The following RFX7 variants were observed in gnomAD, a reference collection of about 807,000 sequenced individuals.
The protein encoded by RFX7 is DNA-binding protein RFX7.
A neutral mutation model predicts 111.8 loss-of-function variants in RFX7; 26 were observed. The ratio of observed to expected loss-of-function variants is 0.23; its 90% CI spans 0.17 to 0.32. The LOEUF is 0.32. Ranked by LOEUF, RFX7 falls within the 10% of genes least tolerant of loss-of-function variation. The pLI is 1.00. For missense variants in RFX7, 1,573 were observed against 1,772.9 expected (o/e 0.89, Z 2.02); for synonymous variants, 624 against 624.4 (o/e 1.00, Z 0.01).
chr15:56,094,184 G>C lies in RFX7; in HGVS notation c.3544C>G (p.Leu1182Val). 5 of 1,613,980 alleles carry C rather than the reference G, an allele frequency of 3.1e-6. No individual in the cohort carries two copies. The highest frequency in any genetic ancestry group is 4.2e-6 in the Non-Finnish European group (5 of 1,179,880). The change falls in exon 10 of 10, where the codon CTC becomes GTC. Residue 1182 changes from leucine (L) to valine (V), a missense_variant. Leu to Val is a conservative substitution (Grantham distance 32). This residue lies in a region of RFX7 where 411 missense variants were observed against 478.1 expected (regional missense o/e 0.86). Transcript: ENST00000559447. The stretch of plus-strand genomic sequence containing the variant: ...CGTGGGATATTAGATACTGGATAGA[G>C]GGTGCTTCCACTAAGATTACGTTGG... ...HRQRNLSGST[L>V]YPVSNIPRSN... is the part of the protein sequence containing the mutation.
chr15:56,179,651 C>T lies in RFX7; in HGVS notation c.162-348G>A, dbSNP rs1285068403. Among the ~76,000 whole-genome samples, 7 of 151,964 alleles carry T rather than the reference C, an allele frequency of 4.6e-5. No homozygotes were observed. The East Asian group carries it at 1.3e-3, about 29-fold the overall frequency. On this transcript the variant is annotated intron_variant, in intron 2 of 9. Coordinates refer to ENST00000559447, the MANE Select transcript of RFX7 (RefSeq NM_022841.7). ...ATTATGATTTTTACTGTCTGCCTGC[C>T]ACTCTGGACAATAATTTGCTTAGCA...
chr15:56,197,465 C>T (rs1452570323), intron 2 of RFX7, among the ~76,000 whole-genome samples: 2 of 152,022 alleles, frequency 1.3e-5, no homozygotes, highest in African/African-American at 4.8e-5. Context: ...TAAACTTTTG[C>T]TTTTCACATT....
chr15:56,142,938 C>T, intron 4 of RFX7, 38 bp from the exon 5 acceptor site: 1 of 1,607,846 alleles, frequency 6.2e-7, no homozygotes, highest in East Asian at 2.2e-5. Flanking sequence ...GACCAGACAG[C>T]AATTCATTAA....
At chr15:56,210,651 G>A (rs1272092490) in intron 2 of RFX7, among the ~76,000 whole-genome samples, 2 of 152,012 alleles carry the variant, frequency 1.3e-5, no homozygotes, top group African/African-American at 4.8e-5. Flanking sequence ...AACAAAGATT[G>A]CTGAAAAATT....
chr15:56,101,610 GA>G, intron 7 of RFX7, 44 bp from the exon 8 acceptor site: 1 of 1,494,584 alleles, frequency 6.7e-7, no homozygotes, highest in Non-Finnish European at 9.3e-7. Flanking sequence ...AAAGACCAGA[GA>G]AATTAAATTG....
chr15:56,150,650 G>A (rs963817498), intron 3 of RFX7, among the ~76,000 whole-genome samples: 2 of 152,180 alleles, frequency 1.3e-5, no homozygotes, highest in Admixed American at 6.5e-5. Context: ...AAACCAGAAC[G>A]CCTTTCCTCC....
rs775170403 is a variant in RFX7, at chr15:56,087,435, T to C, written c.*5910A>G. The C allele has an allele frequency of 2.2e-6, 1 of 456,722 alleles. No individual in the cohort carries two copies. 28.3% of individuals were successfully genotyped at this position (456,722 alleles called of 1,614,324 possible). On this transcript the variant is annotated 3_prime_UTR_variant, in exon 10 of 10. Transcript: ENST00000559447. The stretch of plus-strand genomic sequence containing the variant: ...TCATCCTCAGCATGTGTCTTTAACA[T>C]GAAGTCCAGGAGGGCTGCTTGAGTT...
intron 2 of RFX7, among the ~76,000 whole-genome samples, chr15:56,229,067 G>A (rs2141227304): frequency 6.6e-6 from 1 of 152,230 alleles, no homozygotes; most frequent in East Asian, 1.9e-4. Context: ...GAGCAGGATG[G>A]CACAAGATTT....
At chr15:56,125,064 C>T (rs1595944715) in intron 5 of RFX7, among the ~76,000 whole-genome samples, 1 of 152,170 alleles carries the variant, frequency 6.6e-6, no homozygotes, top group Non-Finnish European at 1.5e-5. Flanking sequence ...TTTTATTCTT[C>T]TGCATATGTA....
rs568533021 is a variant in RFX7 at position 56,087,537 on chromosome 15, TG to T, written c.*5807del. 3.3e-4 allele frequency: 150 copies of T among 456,714 alleles called. No individual in the cohort carries two copies. The highest frequency in any genetic ancestry group is 2.6e-3 in the African/African-American group (129 of 50,218). The allele number at this position is 456,714 out of a possible 1,614,324, so 28.3% of individuals were successfully genotyped here. On this transcript the variant is annotated 3_prime_UTR_variant, in exon 10 of 10. Transcript: ENST00000559447. ...GCAAAGAAGTAGCACCCAAACCTTTTGGTTACATCTCTTTGAGTACTTGGTA... is the reference window on the plus strand; with the variant it reads ...GCAAAGAAGTAGCACCCAAACCTTTTGTTACATCTCTTTGAGTACTTGGTA...
rs1345027577 is a variant in RFX7, at chr15:56,204,363, G to A, written c.162-25060C>T. 2.0e-5 allele frequency among the ~76,000 whole-genome samples: 3 copies of A among 152,006 alleles called. No homozygotes were observed. In the East Asian group the frequency reaches 5.8e-4, roughly 29 times the overall value. On this transcript the variant is annotated intron_variant, in intron 2 of 9. Coordinates refer to ENST00000559447, the MANE Select transcript of RFX7 (RefSeq NM_022841.7). The stretch of plus-strand genomic sequence containing the variant: ...GCTAACATACGTTGTATCTATTTGA[G>A]AGTGGGTTGAAGAGCTATCCCATAC...
intron 2 of RFX7, among the ~76,000 whole-genome samples, chr15:56,231,337 G>C (rs1166618135): frequency 6.6e-6 from 1 of 152,152 alleles, no homozygotes; most frequent in Non-Finnish European, 1.5e-5. Flanking sequence ...AAGAAAAAGA[G>C]GTTTAATGGA....
intron 3 of RFX7, among the ~76,000 whole-genome samples, chr15:56,156,796 G>A (rs1248648109): frequency 6.6e-6 from 1 of 152,162 alleles, no homozygotes; most frequent in Non-Finnish European, 1.5e-5. Context: ...ATACTTCTCT[G>A]ATTGATGATG....
chr15:56,133,931 T>G (rs949282834), intron 5 of RFX7, among the ~76,000 whole-genome samples: 2 of 152,190 alleles, frequency 1.3e-5, no homozygotes, highest in African/African-American at 4.8e-5. Flanking sequence ...GCTGTGTCTC[T>G]TACAATAACC....
In RFX7 at chr15:56,103,630, C is replaced by A; in HGVS notation, c.442G>T (p.Ala148Ser). Residue 148 changes from alanine to serine, a missense_variant, in exon 6 of 10, where the codon GCT becomes TCT. By Grantham distance (99) the Ala-to-Ser change is moderately conservative. Coordinates refer to ENST00000559447, the MANE Select transcript of RFX7 (RefSeq NM_022841.7). Reference protein sequence around the residue: ...DNLGYHPLSAADFGKIMKNVF... With the variant: ...DNLGYHPLSASDFGKIMKNVF... Reference sequence around the variant, plus strand: ...TTTTTCATGATCTTTCCAAAATCAGCAGCACTTAATGGATGGTAACCAAGA... The same window carrying A: ...TTTTTCATGATCTTTCCAAAATCAGAAGCACTTAATGGATGGTAACCAAGA... The A allele has an allele frequency of 1.2e-6, 2 of 1,602,654 alleles. No individual in the cohort carries two copies. Among genetic ancestry groups the A allele is most frequent in the Non-Finnish European group, 8.5e-7 (1 of 1,174,052 alleles).
At chr15:56,191,022 C>T (rs1285370742) in intron 2 of RFX7, among the ~76,000 whole-genome samples, 1 of 152,182 alleles carries the variant, frequency 6.6e-6, no homozygotes, top group African/African-American at 2.4e-5. Flanking sequence ...TTTCTGTTTG[C>T]TCTTTGAAAT....
At chr15:56,140,932 T>C (rs1370955581) in intron 5 of RFX7, among the ~76,000 whole-genome samples, 1 of 151,204 alleles carries the variant, frequency 6.6e-6, no homozygotes, top group Non-Finnish European at 1.5e-5. Flanking sequence ...TGCAGCATGC[T>C]CTCTCTAAGG....
intron 2 of RFX7, among the ~76,000 whole-genome samples, chr15:56,240,908 T>C (rs1040707628): frequency 6.6e-6 from 1 of 152,250 alleles, no homozygotes; most frequent in Middle Eastern, 3.4e-3. Flanking sequence ...AAAGGAGTTT[T>C]CACTTTTGAT....
At position 56,091,467 on chromosome 15, in the gene RFX7, C is replaced by CA. The variant is rs1288404889; in HGVS notation, c.*1877dup. 33 of 152,446 alleles carry CA rather than the reference C, an allele frequency of 2.2e-4. No individual in the cohort carries two copies. The highest frequency in any genetic ancestry group is 7.7e-4 in the African/African-American group (32 of 41,518). 9.4% of individuals were successfully genotyped at this position (152,446 alleles called of 1,614,324 possible). A position where few individuals can be genotyped will look rare whatever the true frequency, so the allele number is the denominator to read the frequency against. On this transcript the variant is annotated 3_prime_UTR_variant, in exon 10 of 10. Transcript: ENST00000559447. ...AATCCTCCAGTCTTAATATTTTTAT[C>CA]AAAAAAGATTTCCATTATTTTTATA...
Sources: allele counts gnomAD v4.1 joint callset (sites outside exome capture counted in the v4.1 genomes callset), GRCh38; gene constraint gnomAD v4.1.1; regional missense constraint gnomAD v4.1.1; transcripts MANE v1.5; gene names NCBI Gene and HGNC (gene_info 2026-07-23, HGNC 2026-07-21).